The following CNOT6L variants were observed in gnomAD, a reference collection of about 807,000 sequenced individuals.
The protein encoded by CNOT6L is CCR4-NOT transcription complex subunit 6-like.
Under a neutral mutation model 64.0 loss-of-function variants are expected in CNOT6L, and 7 were observed. That is an observed-to-expected ratio of 0.11 (90% CI 0.06 to 0.21). The LOEUF (loss-of-function observed/expected upper bound fraction) is 0.21, where lower values mean the gene tolerates loss of function less well. Among genes scored for constraint, CNOT6L ranks in the 10% least tolerant of loss-of-function variants. The pLI is 1.00. For synonymous variants in CNOT6L, 193 were observed against 243.4 expected, an observed-to-expected ratio of 0.79 and a Z score of 1.93; for missense variants, 245 against 669.0, an observed-to-expected ratio of 0.37 and a Z score of 6.99.
At position 77,809,773 on chromosome 4, in the gene CNOT6L, CTATT is replaced by C. The variant is rs895246578; in HGVS notation, c.5+9527_5+9530del. On this transcript the variant is annotated intron_variant, in intron 1 of 11. Coordinates refer to ENST00000504123, the MANE Select transcript of CNOT6L (RefSeq NM_144571.3). ...AATTTATGTTACTCATTTAGGAAATCTATTTAAGTAATATGGGAAAGAGAAAAAT... is the reference window on the plus strand; with the variant it reads ...AATTTATGTTACTCATTTAGGAAATCTAAGTAATATGGGAAAGAGAAAAAT... 1.2e-4 allele frequency among the ~76,000 whole-genome samples: 19 copies of C among 152,120 alleles called. 1 individual carries two copies. The highest frequency in any genetic ancestry group is 7.7e-4 in the East Asian group (4 of 5,186).
At chr4:77,728,189 A>G (rs1041415786) in intron 10 of CNOT6L, among the ~76,000 whole-genome samples, 3 of 152,224 alleles carry the variant, frequency 2.0e-5, no homozygotes, top group Non-Finnish European at 4.4e-5. Context: ...TTCTGTAACT[A>G]CTAACATTAT....
intron 1 of CNOT6L, among the ~76,000 whole-genome samples, chr4:77,791,983 A>C (rs1414807706): frequency 6.6e-6 from 1 of 152,184 alleles, no homozygotes; most frequent in Non-Finnish European, 1.5e-5. Context: ...TTTACTCATC[A>C]GCTGTTCAAT....
At chr4:77,805,087 AC>A (rs2110157382) in intron 1 of CNOT6L, among the ~76,000 whole-genome samples, 1 of 152,210 alleles carries the variant, frequency 6.6e-6, no homozygotes, top group Non-Finnish European at 1.5e-5. Flanking sequence ...ACATGGCAGG[AC>A]CTGAGTATGT....
chr4:77,773,258 T>C, intron 3 of CNOT6L, 92 bp from the exon 4 acceptor site: 1 of 709,240 alleles, frequency 1.4e-6, no homozygotes, highest in East Asian at 2.9e-5. Context: ...TAACATACTA[T>C]GAGTGATTGT....
intron 8 of CNOT6L, among the ~76,000 whole-genome samples, chr4:77,736,491 T>C (rs1186181755): frequency 6.6e-6 from 1 of 152,198 alleles, no homozygotes; most frequent in Non-Finnish European, 1.5e-5. Flanking sequence ...ATGCTACTTC[T>C]TGCATTCCCT....
At chr4:77,743,803 C>T (rs1021363956) in intron 7 of CNOT6L, among the ~76,000 whole-genome samples, 7 of 151,690 alleles carry the variant, frequency 4.6e-5, no homozygotes, top group Admixed American at 1.3e-4. Flanking sequence ...GGTTTCACCA[C>T]GCTGGCCAGG....
At chr4:77,762,026 A>G (rs944118703) in intron 4 of CNOT6L, among the ~76,000 whole-genome samples, 5 of 152,174 alleles carry the variant, frequency 3.3e-5, no homozygotes, top group Non-Finnish European at 1.5e-5. Context: ...CAAAATATTT[A>G]CAAGATCTAT....
chr4:77,741,148 T>C (rs954752431), intron 8 of CNOT6L, among the ~76,000 whole-genome samples: 1 of 152,200 alleles, frequency 6.6e-6, no homozygotes, highest in African/African-American at 2.4e-5. Flanking sequence ...CCTCAAATAC[T>C]ACAAGGCTTT....
intron 11 of CNOT6L, among the ~76,000 whole-genome samples, chr4:77,724,232 C>A (rs553619172): frequency 6.6e-6 from 1 of 152,074 alleles, no homozygotes; most frequent in East Asian, 1.9e-4. Context: ...CACCTGTAGT[C>A]CCAGCTACTC....
chr4:77,735,783 A>C (rs1317052538), intron 8 of CNOT6L, among the ~76,000 whole-genome samples: 7 of 152,196 alleles, frequency 4.6e-5, no homozygotes, highest in Admixed American at 4.6e-4. Context: ...TGTTATTTAC[A>C]GTGCATAATG....
intron 5 of CNOT6L, 63 bp from the exon 6 acceptor site, chr4:77,748,447 T>C (rs1724452457): frequency 1.9e-5 from 20 of 1,075,664 alleles, no homozygotes; most frequent in Non-Finnish European, 2.9e-6. Flanking sequence ...AATGTGTTTA[T>C]AATGTCAAAA....
At chr4:77,796,356 T>C (rs906700760) in intron 1 of CNOT6L, among the ~76,000 whole-genome samples, 8 of 152,114 alleles carry the variant, frequency 5.3e-5, no homozygotes, top group African/African-American at 1.9e-4. Flanking sequence ...GGGGAGGTGC[T>C]TGGTGGGAAG....
chr4:77,804,570 G>C (rs891174671), intron 1 of CNOT6L, among the ~76,000 whole-genome samples: 3 of 151,870 alleles, frequency 2.0e-5, no homozygotes, highest in Non-Finnish European at 4.4e-5. Flanking sequence ...CAAATCCATA[G>C]AGACAGAAAG....
upstream of CNOT6L, chr4:77,819,440 G>A (rs1734049060): frequency 1.9e-6 from 3 of 1,575,698 alleles, no homozygotes; most frequent in South Asian, 2.3e-5. Context: ...CGCAGACGCA[G>A]ACGCAAACAC....
At position 77,759,249 on chromosome 4, in the gene CNOT6L, T is replaced by G. The variant is rs534631441; in HGVS notation, c.401-2298A>C. 1.9e-4 allele frequency among the ~76,000 whole-genome samples: 28 copies of G among 151,156 alleles called. No homozygotes were observed. In the South Asian group the frequency reaches 5.6e-3, roughly 30 times the overall value. On this transcript the variant is annotated intron_variant, in intron 4 of 11. Transcript: ENST00000504123. The stretch of plus-strand genomic sequence containing the variant: ...ACAGATTATAGTGCAAACTAGAAAA[T>G]GACAAACAGAAGACTTTAAAACGAG...
At chr4:77,775,490 C>A (rs539353364) in intron 2 of CNOT6L, among the ~76,000 whole-genome samples, 1 of 152,116 alleles carries the variant, frequency 6.6e-6, no homozygotes, top group African/African-American at 2.4e-5. Flanking sequence ...TTCCTATATA[C>A]CCCTCCTTCA....
chr4:77,731,554 T>C lies in CNOT6L; in HGVS notation c.873-16A>G. On this transcript the variant is annotated splice_polypyrimidine_tract_variant and intron_variant, in intron 8 of 11. Transcript: ENST00000504123. ...CAATGTAAATCTAAAAGGTACATTA[T>C]TATAATTTTAGGTACCTAGACTATC... 2 of 1,508,424 alleles carry C rather than the reference T, an allele frequency of 1.3e-6. No individual in the cohort carries two copies. The highest frequency in any genetic ancestry group is 1.8e-6 in the Non-Finnish European group (2 of 1,128,736). 93.4% of individuals were successfully genotyped at this position (1,508,424 alleles called of 1,614,324 possible).
chr4:77,789,213 G>T (rs1209622414), intron 1 of CNOT6L, among the ~76,000 whole-genome samples: 1 of 151,986 alleles, frequency 6.6e-6, no homozygotes, highest in Admixed American at 6.6e-5. Context: ...CAAACCCAAA[G>T]TGATAGTAAA....
chr4:77,774,828 T>C, intron 2 of CNOT6L, 112 bp from the exon 3 acceptor site: 1 of 594,298 alleles, frequency 1.7e-6, no homozygotes. Context: ...GGATATTGTA[T>C]CTCTGACATT....
Sources: allele counts gnomAD v4.1 joint callset (sites outside exome capture counted in the v4.1 genomes callset), GRCh38; gene constraint gnomAD v4.1.1; transcripts MANE v1.5; gene names NCBI Gene and HGNC (gene_info 2026-07-23, HGNC 2026-07-21).